Variants in UCHL3 observed in about 807,000 individuals in gnomAD.
The protein encoded by UCHL3 is ubiquitin C-terminal hydrolase L3, also known as ubiquitin carboxyl-terminal hydrolase isozyme L3.
In UCHL3, 22 loss-of-function variants were observed where a neutral mutation model predicts 35.8. That is an observed-to-expected ratio of 0.61 (90% CI 0.44 to 0.88). The LOEUF (loss-of-function observed/expected upper bound fraction) is 0.88. Ranked by LOEUF, UCHL3 falls within the 40% of genes least tolerant of loss-of-function variation. The probability of loss-of-function intolerance (pLI) is 0.00; values close to 1 mark genes in which losing one functional copy is unlikely to be tolerated. For synonymous variants in UCHL3, 90 were observed against 92.8 expected (o/e 0.97, Z 0.17); for missense variants, 229 against 276.9 (o/e 0.83, Z 1.23).
At chr13:75,579,680 A>C (rs1466516323) in intron 6 of UCHL3, among the ~76,000 whole-genome samples, 2 of 152,130 alleles carry the variant, frequency 1.3e-5, no homozygotes, top group East Asian at 3.8e-4. Context: ...CGAACTTACC[A>C]GTTCACACTT....
rs752787799 is a variant in UCHL3 at position 75,588,494 on chromosome 13, C to T, written c.475-6421C>T. Reference sequence around the variant, plus strand: ...CTGTGAGAGAAGACATTATCATATACACTTTTGTTCCCATATAGAATCAAG... The same window carrying T: ...CTGTGAGAGAAGACATTATCATATATACTTTTGTTCCCATATAGAATCAAG... On this transcript the variant is annotated intron_variant, in intron 6 of 8. Coordinates refer to ENST00000377595, the MANE Select transcript of UCHL3 (RefSeq NM_006002.5). Among the ~76,000 whole-genome samples the T allele has an allele frequency of 4.8e-4, 73 of 152,202 alleles. No homozygotes were observed. In the Middle Eastern group the frequency reaches 0.01, roughly 21 times the overall value.
upstream of UCHL3, chr13:75,549,502 G>A (rs552809726): frequency 3.1e-5 from 11 of 358,500 alleles, no homozygotes; most frequent in South Asian, 7.5e-4. Flanking sequence ...GAACGCGAGC[G>A]CTCGGCAAGG....
At chr13:75,592,444 A>ATACATATATATATATGTATATATG (rs1555276753) in intron 6 of UCHL3, among the ~76,000 whole-genome samples, 2 of 108,810 alleles carry the variant, frequency 1.8e-5, no homozygotes, top group African/African-American at 7.1e-5. Context: ...ATATATATAT[A>ATACATATATATATATGTATATATG]TATATATATA....
intron 6 of UCHL3, among the ~76,000 whole-genome samples, chr13:75,574,934 A>G (rs1416567502): frequency 6.6e-6 from 1 of 152,246 alleles, no homozygotes; most frequent in Admixed American, 6.5e-5. Context: ...TGAGAATTCT[A>G]CAGAGGGAGA....
At chr13:75,589,738 T>G (rs939401993) in intron 6 of UCHL3, among the ~76,000 whole-genome samples, 2 of 152,210 alleles carry the variant, frequency 1.3e-5, no homozygotes, top group Non-Finnish European at 2.9e-5. Context: ...AACTATGGCA[T>G]ATAACCTGAT....
chr13:75,582,415 A>G (rs2032212443), intron 6 of UCHL3, among the ~76,000 whole-genome samples: 1 of 152,192 alleles, frequency 6.6e-6, no homozygotes, highest in Admixed American at 6.5e-5. Context: ...ATCTACAGTC[A>G]CATTATACTG....
intron 6 of UCHL3, among the ~76,000 whole-genome samples, chr13:75,577,917 T>G (rs1026783419): frequency 6.6e-6 from 1 of 152,214 alleles, no homozygotes; most frequent in African/African-American, 2.4e-5. Flanking sequence ...AGAGATCACC[T>G]TATGATTTAT....
chr13:75,550,167 G>A (rs997640933), intron 2 of UCHL3, among the ~76,000 whole-genome samples, 180 bp downstream of exon 2: 1 of 152,148 alleles, frequency 6.6e-6, no homozygotes, highest in Non-Finnish European at 1.5e-5. Flanking sequence ...CTGCCACCTG[G>A]CTCCTGAAGA....
rs1285841761 is a variant in UCHL3 at position 75,569,333 on chromosome 13, T to TTCTAGTACTAAGTACTAGTA, written c.427-127_427-126insTCTAGTACTAAGTACTAGTA. On this transcript the variant is annotated intron_variant, in intron 5 of 8. Coordinates refer to ENST00000377595, the MANE Select transcript of UCHL3 (RefSeq NM_006002.5). ...TCTTAAATATCTAGTACTAAGCTTT[T>TTCTAGTACTAAGTACTAGTA]CTTAAATTTCCTTCAATTTGTTGTT... The TTCTAGTACTAAGTACTAGTA allele has an allele frequency of 4.3e-4, 276 of 646,680 alleles. 1 individual carries two copies. The South Asian group carries it at 5.9e-3, about 14-fold the overall frequency. 40.1% of individuals were successfully genotyped at this position (646,680 alleles called of 1,614,324 possible). A position where few individuals can be genotyped will look rare whatever the true frequency, so the allele number is the denominator to read the frequency against.
chr13:75,572,711 C>A (rs574741562), intron 6 of UCHL3, among the ~76,000 whole-genome samples: 1 of 152,226 alleles, frequency 6.6e-6, no homozygotes, highest in African/African-American at 2.4e-5. Flanking sequence ...TTTCTGTAGT[C>A]CCCCGAGTAA....
intron 3 of UCHL3, among the ~76,000 whole-genome samples, chr13:75,565,192 A>G (rs747615850): frequency 2.6e-5 from 4 of 151,886 alleles, no homozygotes; most frequent in Admixed American, 6.6e-5. Flanking sequence ...TACACATTAC[A>G]TCTTGAAATT....
At chr13:75,579,589 CTTCT>C (rs1194049952) in intron 6 of UCHL3, among the ~76,000 whole-genome samples, 1 of 151,940 alleles carries the variant, frequency 6.6e-6, no homozygotes, top group Non-Finnish European at 1.5e-5. Context: ...TTCCTCCCCC[CTTCT>C]TTCTTCTTTT....
chr13:75,569,035 A>G (rs1379417648), intron 5 of UCHL3: 1 of 153,298 alleles, frequency 6.5e-6, no homozygotes, highest in East Asian at 1.9e-4. Flanking sequence ...CTGAAACTGC[A>G]TGATTAAACA....
chr13:75,559,389 T>G (rs1213676385), intron 2 of UCHL3, among the ~76,000 whole-genome samples: 1 of 152,176 alleles, frequency 6.6e-6, no homozygotes, highest in Non-Finnish European at 1.5e-5. Context: ...AGAATGAACC[T>G]AATCTTTGCT....
intron 7 of UCHL3, among the ~76,000 whole-genome samples, chr13:75,602,832 C>T (rs1406071232): frequency 2.0e-5 from 3 of 152,110 alleles, no homozygotes; most frequent in East Asian, 1.9e-4. Flanking sequence ...TTGTTCTATA[C>T]TGCTATTATA....
chr13:75,603,656 T>A (rs1261197602), intron 7 of UCHL3, among the ~76,000 whole-genome samples: 1 of 149,414 alleles, frequency 6.7e-6, no homozygotes, highest in African/African-American at 2.4e-5. Flanking sequence ...TATTGAAGAA[T>A]AAGCATTTAC....
At position 75,569,555 on chromosome 13, in the gene UCHL3, T is replaced by C. The variant is rs746037850; in HGVS notation, c.474+48T>C. ...TTTTCTTGCTATAAATTTAACCATA[T>C]AAATTTCTTGCTGTAAATTTAACCA... On this transcript the variant is annotated intron_variant, in intron 6 of 8. Transcript: ENST00000377595. The C allele has an allele frequency of 2.6e-6, 4 of 1,517,970 alleles. No individual in the cohort carries two copies. In the African/African-American group the frequency reaches 4.2e-5, roughly 16 times the overall value. The allele number at this position is 1,517,970 out of a possible 1,614,324, so 94.0% of individuals were successfully genotyped here.
At chr13:75,557,815 A>G (rs2031343038) in intron 2 of UCHL3, among the ~76,000 whole-genome samples, 1 of 152,354 alleles carries the variant, frequency 6.6e-6, no homozygotes, top group East Asian at 1.9e-4. Context: ...TTTATAAAAT[A>G]CTAGAAAATA....
intron 7 of UCHL3, among the ~76,000 whole-genome samples, chr13:75,599,818 C>T (rs751527787): frequency 6.6e-6 from 1 of 152,192 alleles, no homozygotes; most frequent in Non-Finnish European, 1.5e-5. Context: ...AGTCACACGT[C>T]TCTCACTTTA....
Sources: gnomAD v4.1 joint callset for allele counts (sites outside exome capture counted in the v4.1 genomes callset) on GRCh38, gnomAD v4.1.1 for gene constraint, MANE v1.5 for transcripts, NCBI Gene and HGNC (gene_info 2026-07-23, HGNC 2026-07-21) for gene names.